NTRK3: variants seen among roughly 807,000 people sequenced by gnomAD.
NTRK3 encodes the protein NT-3 growth factor receptor.
Under a neutral mutation model 91.7 loss-of-function variants are expected in NTRK3, and 24 were observed. The observed-to-expected ratio is 0.26, with a 90% confidence interval of 0.19 to 0.37. The LOEUF is 0.37. NTRK3 is among the 10% of genes least tolerant of loss of function. The pLI, the probability that NTRK3 is intolerant of heterozygous loss-of-function variation, is 1.00. For synonymous variants in NTRK3, 483 were observed against 404.0 expected (o/e 1.20, Z -2.34); for missense variants, 880 against 1,068.9 (o/e 0.82, Z 2.46).
intron 17 of NTRK3, among the ~76,000 whole-genome samples, chr15:87,889,631 A>T (rs1220270129): frequency 1.3e-5 from 2 of 152,026 alleles, no homozygotes; most frequent in Non-Finnish European, 2.9e-5. Flanking sequence ...GAATAGTTAC[A>T]GAAGAGATCA....
At chr15:88,050,280 G>A (rs2080695323) in intron 13 of NTRK3, among the ~76,000 whole-genome samples, 1 of 152,140 alleles carries the variant, frequency 6.6e-6, no homozygotes, top group African/African-American at 2.4e-5. Context: ...ATTCCAACAA[G>A]ATGCTTCTCA....
At chr15:88,087,227 G>A (rs2048582178) in intron 13 of NTRK3, among the ~76,000 whole-genome samples, 1 of 152,224 alleles carries the variant, frequency 6.6e-6, no homozygotes, top group Admixed American at 6.5e-5. Context: ...GAACAGTACT[G>A]CAGAGTAAAT....
chr15:87,936,950 C>A (rs928451729), intron 15 of NTRK3, among the ~76,000 whole-genome samples: 8 of 149,726 alleles, frequency 5.3e-5, no homozygotes, highest in South Asian at 2.1e-4. Flanking sequence ...GTCTCCCCAT[C>A]TCTCTTTGCG....
intron 13 of NTRK3, among the ~76,000 whole-genome samples, chr15:88,057,366 C>T (rs1031307594): frequency 6.6e-6 from 1 of 151,690 alleles, no homozygotes; most frequent in African/African-American, 2.4e-5. Flanking sequence ...GGCGTGGTGG[C>T]AGGTGCCTGT....
intron 10 of NTRK3, among the ~76,000 whole-genome samples, chr15:88,130,067 C>T (rs1018028606): frequency 6.6e-6 from 1 of 152,170 alleles, no homozygotes; most frequent in East Asian, 1.9e-4. Context: ...AGAAACCATC[C>T]CTGCCAACAC....
chr15:87,982,014 C>T (rs1386485834), intron 14 of NTRK3, among the ~76,000 whole-genome samples: 1 of 152,160 alleles, frequency 6.6e-6, no homozygotes, highest in African/African-American at 2.4e-5. Context: ...AGGATGAAAT[C>T]TCCTTTGGAG....
At chr15:88,087,230 G>C (rs549830411) in intron 13 of NTRK3, among the ~76,000 whole-genome samples, 1 of 152,222 alleles carries the variant, frequency 6.6e-6, no homozygotes, top group East Asian at 1.9e-4. Context: ...CAGTACTGCA[G>C]AGTAAATAAG....
chr15:88,193,621 A>T (rs943574108), intron 3 of NTRK3, among the ~76,000 whole-genome samples: 39 of 152,208 alleles, frequency 2.6e-4, no homozygotes, highest in Admixed American at 2.4e-3. Flanking sequence ...CCACTAGGCG[A>T]ATAAATGAAC....
At chr15:88,193,326 G>A (rs2047561009) in intron 3 of NTRK3, among the ~76,000 whole-genome samples, 1 of 152,136 alleles carries the variant, frequency 6.6e-6, no homozygotes, top group Non-Finnish European at 1.5e-5. Flanking sequence ...AGGCATAACT[G>A]CAGGGCACAG....
At chr15:88,143,292 G>T (rs757946968) in intron 6 of NTRK3, among the ~76,000 whole-genome samples, 1 of 152,196 alleles carries the variant, frequency 6.6e-6, no homozygotes, top group Non-Finnish European at 1.5e-5. Context: ...TGGCAGGCAC[G>T]TGAGATGGAG....
intron 10 of NTRK3, among the ~76,000 whole-genome samples, chr15:88,134,231 T>C (rs1210510360): frequency 6.6e-6 from 1 of 152,218 alleles, no homozygotes; most frequent in Non-Finnish European, 1.5e-5. Context: ...CATGGCTTTA[T>C]GGGCAAAACT....
chr15:87,965,105 C>A (rs909557516), intron 14 of NTRK3, among the ~76,000 whole-genome samples: 2 of 152,098 alleles, frequency 1.3e-5, no homozygotes, highest in African/African-American at 4.8e-5. Flanking sequence ...TGTGCATGTG[C>A]ACGTGGAATG....
chr15:87,973,873 C>T (rs1012491169), intron 14 of NTRK3, among the ~76,000 whole-genome samples: 3 of 152,126 alleles, frequency 2.0e-5, no homozygotes, highest in African/African-American at 7.2e-5. Flanking sequence ...TTTGCTCTTG[C>T]TTTCAGAGTC....
intron 16 of NTRK3, among the ~76,000 whole-genome samples, chr15:87,931,783 T>C (rs1161944762): frequency 1.3e-5 from 2 of 152,208 alleles, no homozygotes; most frequent in South Asian, 4.1e-4. Context: ...ACTAACTCAT[T>C]TCTTTGCCCC....
At chr15:88,183,536 G>A (rs777109015) in intron 4 of NTRK3, 47 bp from the exon 5 acceptor site, 83 of 1,553,086 alleles carry the variant, frequency 5.3e-5, no homozygotes, top group Middle Eastern at 5.0e-4. Context: ...GTGGCAGAGG[G>A]ATATCTGCTC....
chr15:88,122,225 T>C (rs2052792116), intron 13 of NTRK3, among the ~76,000 whole-genome samples: 1 of 152,248 alleles, frequency 6.6e-6, no homozygotes. Flanking sequence ...CAGAGACATA[T>C]GCATATATGT....
intron 10 of NTRK3, among the ~76,000 whole-genome samples, chr15:88,133,328 C>T (rs1252896148): frequency 6.6e-6 from 1 of 152,084 alleles, no homozygotes; most frequent in East Asian, 1.9e-4. Context: ...AAGGAGAGAA[C>T]GGAGAAGCTG....
At chr15:88,045,668 C>T (rs2080109132) in intron 13 of NTRK3, among the ~76,000 whole-genome samples, 1 of 152,352 alleles carries the variant, frequency 6.6e-6, no homozygotes, top group South Asian at 2.1e-4. Context: ...AAGGTACCAG[C>T]CAGGCCATGG....
intron 13 of NTRK3, among the ~76,000 whole-genome samples, chr15:88,108,902 A>G (rs2051007855): frequency 6.6e-6 from 1 of 152,156 alleles, no homozygotes; most frequent in African/African-American, 2.4e-5. Context: ...GTGCACCATA[A>G]AGTTCGAGGA....
Sources: allele counts gnomAD v4.1 joint callset (sites outside exome capture counted in the v4.1 genomes callset), GRCh38; gene constraint gnomAD v4.1.1; transcripts MANE v1.5; gene names NCBI Gene and HGNC (gene_info 2026-07-23, HGNC 2026-07-21).